Variants in SV2C observed in about 807,000 individuals in gnomAD.
The protein encoded by SV2C is synaptic vesicle glycoprotein 2C, also known as solute carrier family 22 member B3.
In SV2C, 49 loss-of-function variants were observed where a neutral mutation model predicts 79.7. That is an observed-to-expected ratio of 0.61 (90% confidence interval 0.49 to 0.78). The LOEUF (loss-of-function observed/expected upper bound fraction) is 0.78. SV2C is among the 30% of genes least tolerant of loss of function. The probability of loss-of-function intolerance (pLI) is 0.00; values close to 1 mark genes in which losing one functional copy is unlikely to be tolerated. For synonymous variants in SV2C, 334 were observed against 333.2 expected, an observed-to-expected ratio of 1.00 and a Z score of -0.03; for missense variants, 833 against 912.9, an observed-to-expected ratio of 0.91 and a Z score of 1.13.
the SV2C span, among the ~76,000 whole-genome samples, chr5:76,047,378 G>C: frequency 1.3e-5 from 2 of 152,072 alleles, no homozygotes; most frequent in Non-Finnish European, 2.9e-5. Flanking sequence ...TTTGTGTGTG[G>C]CTTATTTTAT....
intron 4 of SV2C, among the ~76,000 whole-genome samples, chr5:76,218,749 A>G (rs1744977256): frequency 6.2e-5 from 1 of 16,088 alleles, no homozygotes; most frequent in African/African-American, 2.7e-4. Context: ...CACATATCCC[A>G]GAACTCAAAG....
At chr5:76,011,987 AT>A in the SV2C span, among the ~76,000 whole-genome samples, 5 of 151,844 alleles carry the variant, frequency 3.3e-5, no homozygotes, top group Non-Finnish European at 5.9e-5. Context: ...TATGTGCCAC[AT>A]TTTCTTTATC....
intron 3 of SV2C, among the ~76,000 whole-genome samples, chr5:76,209,242 CT>C (rs1319920061): frequency 6.6e-6 from 1 of 152,166 alleles, no homozygotes; most frequent in African/African-American, 2.4e-5. Context: ...TAATTTAGTG[CT>C]GCTGTGGGGT....
chr5:76,137,746 C>T (rs938192461), intron 2 of SV2C, among the ~76,000 whole-genome samples: 1 of 152,100 alleles, frequency 6.6e-6, no homozygotes, highest in African/African-American at 2.4e-5. Flanking sequence ...GAACCAGTAG[C>T]CATGTTTAAA....
At chr5:76,094,854 T>C (rs1312404037) in intron 1 of SV2C, among the ~76,000 whole-genome samples, 1 of 152,166 alleles carries the variant, frequency 6.6e-6, no homozygotes, top group African/African-American at 2.4e-5. Flanking sequence ...ATGTATTTAA[T>C]CAGATATGTG....
the SV2C span, among the ~76,000 whole-genome samples, chr5:76,047,981 TAA>T: frequency 6.6e-6 from 1 of 152,070 alleles, no homozygotes; most frequent in Non-Finnish European, 1.5e-5. Flanking sequence ...AAAAAAATTC[TAA>T]GAGAGTGGAT....
At chr5:76,133,294 A>C (rs1748964151) in intron 2 of SV2C, among the ~76,000 whole-genome samples, 1 of 152,230 alleles carries the variant, frequency 6.6e-6, no homozygotes, top group South Asian at 2.1e-4. Context: ...GAGTCTATGA[A>C]AGAAAGAATA....
At chr5:76,239,385 A>G (rs1233851633) in intron 4 of SV2C, among the ~76,000 whole-genome samples, 3 of 152,214 alleles carry the variant, frequency 2.0e-5, no homozygotes, top group African/African-American at 7.2e-5. Flanking sequence ...ATTGCTGCAT[A>G]ACAAATCACT....
At chr5:76,294,850 C>T (rs1561302593) in intron 8 of SV2C, among the ~76,000 whole-genome samples, 1 of 152,252 alleles carries the variant, frequency 6.6e-6, no homozygotes, top group East Asian at 1.9e-4. Flanking sequence ...CTGAGAATAA[C>T]ACGAATGTCC....
chr5:76,034,523 T>G, the SV2C span, among the ~76,000 whole-genome samples: 2 of 152,226 alleles, frequency 1.3e-5, no homozygotes, highest in Non-Finnish European at 2.9e-5. Flanking sequence ...GTTTTTGTCT[T>G]TGGCTCTGTT....
At chr5:76,301,286 C>T in intron 11 of SV2C, 100 bp from the exon 12 acceptor site, 1 of 1,497,132 alleles carries the variant, frequency 6.7e-7, no homozygotes, top group Non-Finnish European at 9.0e-7. Flanking sequence ...GCAGCTTCCA[C>T]TTAGAATTCA....
chr5:76,204,773 C>A (rs1447279248), intron 3 of SV2C, among the ~76,000 whole-genome samples: 1 of 152,168 alleles, frequency 6.6e-6, no homozygotes, highest in Non-Finnish European at 1.5e-5. Context: ...CCACCTTTGC[C>A]TGAAACAGCG....
intron 1 of SV2C, among the ~76,000 whole-genome samples, chr5:76,111,368 G>C: frequency 6.6e-6 from 1 of 152,124 alleles, no homozygotes; most frequent in Admixed American, 6.5e-5. Flanking sequence ...CTAAAGCAAA[G>C]GTGGTTATTA....
At chr5:76,302,630 CAAAAAAAA>C (rs60732488) in intron 12 of SV2C, among the ~76,000 whole-genome samples, 2 of 68,866 alleles carry the variant, frequency 2.9e-5, no homozygotes, top group African/African-American at 6.0e-5. Context: ...GACTCCATCT[CAAAAAAAA>C]AAAAAAAAAA....
the SV2C span, among the ~76,000 whole-genome samples, chr5:76,008,805 CA>C: frequency 6.6e-6 from 1 of 152,146 alleles, no homozygotes; most frequent in Non-Finnish European, 1.5e-5. Context: ...TCATCTCACT[CA>C]GAGTAAAAGT....
At chr5:76,094,093 A>G (rs1248450806) in intron 1 of SV2C, among the ~76,000 whole-genome samples, 1 of 152,226 alleles carries the variant, frequency 6.6e-6, no homozygotes, top group Non-Finnish European at 1.5e-5. Flanking sequence ...GAAACAAACA[A>G]GTAAATAAAT....
chr5:76,175,985 C>A (rs1743515451), intron 2 of SV2C, among the ~76,000 whole-genome samples: 1 of 152,142 alleles, frequency 6.6e-6, no homozygotes, highest in South Asian at 2.1e-4. Context: ...GAAGGTAACA[C>A]AAAGCCCTGG....
intron 4 of SV2C, among the ~76,000 whole-genome samples, chr5:76,237,271 T>A (rs1745642301): frequency 6.6e-6 from 1 of 152,226 alleles, no homozygotes; most frequent in South Asian, 2.1e-4. Flanking sequence ...ATACAACTTT[T>A]GTCTTTCCTG....
chr5:76,241,977 A>G, intron 4 of SV2C: 1 of 933,586 alleles, frequency 1.1e-6, no homozygotes, highest in Non-Finnish European at 1.7e-6. Context: ...TAGTATTTCA[A>G]ACTGTACAGT....
Sources: allele counts gnomAD v4.1 joint callset (sites outside exome capture counted in the v4.1 genomes callset), GRCh38; gene constraint gnomAD v4.1.1; transcripts MANE v1.5; gene names NCBI Gene and HGNC (gene_info 2026-07-23, HGNC 2026-07-21).